Variants in PCSK6 observed in about 807,000 individuals in gnomAD.
PCSK6 encodes paired basic amino acid cleaving enzyme 4.
PCSK6 carries 85 observed loss-of-function variants against 123.3 expected under a neutral mutation model. The ratio of observed to expected loss-of-function variants is 0.69; its 90% CI spans 0.58 to 0.83. The LOEUF is 0.83. Ranked by LOEUF, PCSK6 falls within the 40% of genes least tolerant of loss-of-function variation. The pLI, the probability that PCSK6 is intolerant of heterozygous loss-of-function variation, is 0.00. For missense variants in PCSK6, 1,191 were observed against 1,282.3 expected (o/e 0.93, Z 1.09); for synonymous variants, 508 against 516.0 (o/e 0.98, Z 0.21).
chr15:101,474,351 A>C (rs2057675408), intron 1 of PCSK6, among the ~76,000 whole-genome samples: 1 of 152,206 alleles, frequency 6.6e-6, no homozygotes, highest in Admixed American at 6.5e-5. Flanking sequence ...AACAGACATA[A>C]AACCACAGGC....
At chr15:101,358,332 C>T (rs904979260) in intron 13 of PCSK6, among the ~76,000 whole-genome samples, 1 of 152,240 alleles carries the variant, frequency 6.6e-6, no homozygotes, top group African/African-American at 2.4e-5. Context: ...CACTGGGGAA[C>T]TCCTGAGAAT....
At position 101,404,709 on chromosome 15, in the gene PCSK6, C is replaced by T. The variant is rs80135061; in HGVS notation, c.824-6133G>A. Among the ~76,000 whole-genome samples the T allele has an allele frequency of 7.6e-3, 1,156 of 152,244 alleles. 12 individuals carry two copies. Among genetic ancestry groups the T allele is most frequent in the East Asian group, 0.053 (273 of 5,182 alleles). On this transcript the variant is annotated intron_variant, in intron 6 of 21. Coordinates refer to ENST00000611716, the MANE Select transcript of PCSK6 (RefSeq NM_002570.5). ...GGCAGTTAAGAAGATTAACGAAAAG[C>T]TAAGTTGAGGCCCTGGCCCCGGAAC... is the stretch of plus-strand genomic sequence containing the variant.
At chr15:101,364,914 A>G in intron 13 of PCSK6, 1 of 710,554 alleles carries the variant, frequency 1.4e-6, no homozygotes, top group Non-Finnish European at 2.7e-6. Context: ...CTTACTACAA[A>G]GCTACAGTGA....
chr15:101,465,793 T>A (rs553132161), intron 1 of PCSK6, among the ~76,000 whole-genome samples: 1 of 152,252 alleles, frequency 6.6e-6, no homozygotes, highest in African/African-American at 2.4e-5. Context: ...TGTATTGTAA[T>A]CTTTAAGGAA....
chr15:101,475,540 C>T (rs1409361256), intron 1 of PCSK6, among the ~76,000 whole-genome samples: 4 of 152,016 alleles, frequency 2.6e-5, no homozygotes, highest in Admixed American at 6.6e-5. Context: ...GGCTGGAGTG[C>T]GGTGATGTGG....
intron 9 of PCSK6, among the ~76,000 whole-genome samples, chr15:101,386,547 C>T (rs8043284): frequency 0.27 from 40,726 of 152,058 alleles, 5,667 homozygotes; most frequent in African/African-American, 0.35. Flanking sequence ...GCAGGCACCA[C>T]GCTACTTTCT....
chr15:101,447,920 T>C (rs2056933899), intron 1 of PCSK6, among the ~76,000 whole-genome samples: 1 of 152,230 alleles, frequency 6.6e-6, no homozygotes, highest in South Asian at 2.1e-4. Flanking sequence ...AGCCTCCTCC[T>C]CCTTCCCTCG....
chr15:101,322,733 G>T (rs1167257379), intron 17 of PCSK6, 126 bp from the exon 18 acceptor site: 3 of 652,320 alleles, frequency 4.6e-6, no homozygotes, highest in East Asian at 2.7e-5. Context: ...TCCACCTCCG[G>T]AATGGGTGGA....
At chr15:101,388,300 A>G (rs1465056605) in intron 9 of PCSK6, among the ~76,000 whole-genome samples, 1 of 152,242 alleles carries the variant, frequency 6.6e-6, no homozygotes, top group Non-Finnish European at 1.5e-5. Context: ...TGTCTTGTGC[A>G]AATCCACATG....
chr15:101,457,786 T>C (rs903552), intron 1 of PCSK6, among the ~76,000 whole-genome samples: 110,385 of 152,098 alleles, frequency 0.73, 40,821 homozygotes, highest in Non-Finnish European at 0.82. Flanking sequence ...TGCAATACCA[T>C]TCGTGTCTGG....
chr15:101,327,222 A>G (rs1013477564), intron 15 of PCSK6, among the ~76,000 whole-genome samples: 6 of 151,692 alleles, frequency 4.0e-5, no homozygotes, highest in African/African-American at 1.5e-4. Flanking sequence ...CCAGCTTCTC[A>G]CTCCGGAGGC....
intron 13 of PCSK6, among the ~76,000 whole-genome samples, chr15:101,335,908 G>A (rs879867901): frequency 7.2e-5 from 11 of 152,216 alleles, no homozygotes; most frequent in Admixed American, 7.2e-4. Context: ...ACCTGTGCAG[G>A]ATGGTGCTGT....
intron 13 of PCSK6, 57 bp from the exon 14 acceptor site, chr15:101,332,088 C>T: frequency 6.7e-7 from 1 of 1,482,228 alleles, no homozygotes; most frequent in Non-Finnish European, 9.1e-7. Context: ...CTGTCACTCA[C>T]AGAAATAAGC....
chr15:101,386,059 T>A (rs1053054462), intron 9 of PCSK6, among the ~76,000 whole-genome samples: 7 of 151,604 alleles, frequency 4.6e-5, no homozygotes, highest in Non-Finnish European at 8.8e-5. Context: ...CTCGTTGGGA[T>A]GCAGGTGACC....
At chr15:101,331,774 G>A (rs759913224) in intron 14 of PCSK6, 78 bp downstream of exon 14, 12 of 1,599,874 alleles carry the variant, frequency 7.5e-6, no homozygotes, top group Non-Finnish European at 9.4e-6. Context: ...GCCAGGAGCA[G>A]CCCTACATTT....
chr15:101,462,194 T>C (rs2057355302), intron 1 of PCSK6, among the ~76,000 whole-genome samples: 1 of 152,200 alleles, frequency 6.6e-6, no homozygotes, highest in Non-Finnish European at 1.5e-5. Context: ...GTCTATATAC[T>C]AGCAACAACT....
intron 11 of PCSK6, among the ~76,000 whole-genome samples, chr15:101,378,708 C>A (rs1214442426): frequency 6.6e-6 from 1 of 152,216 alleles, no homozygotes; most frequent in Non-Finnish European, 1.5e-5. Context: ...TGTTCTCTAC[C>A]CTTCCAGGGA....
At chr15:101,410,619 T>A (rs1302303601) in intron 6 of PCSK6, among the ~76,000 whole-genome samples, 1 of 152,198 alleles carries the variant, frequency 6.6e-6, no homozygotes, top group Non-Finnish European at 1.5e-5. Flanking sequence ...TCAAGAAGTA[T>A]ACAGTTATAC....
At chr15:101,371,573 G>A (rs1046499223) in intron 11 of PCSK6, among the ~76,000 whole-genome samples, 2 of 152,238 alleles carry the variant, frequency 1.3e-5, no homozygotes, top group Non-Finnish European at 1.5e-5. Flanking sequence ...ACTGTGCACT[G>A]AGCATAAGGC....
Sources: gnomAD v4.1 joint callset for allele counts (sites outside exome capture counted in the v4.1 genomes callset) on GRCh38, gnomAD v4.1.1 for gene constraint, MANE v1.5 for transcripts, NCBI Gene and HGNC (gene_info 2026-07-23, HGNC 2026-07-21) for gene names.